CEP135: variants seen among roughly 807,000 people sequenced by gnomAD.
CEP135 encodes the protein centrosomal protein of 135 kDa.
CEP135 carries 142 observed loss-of-function variants against 157.3 expected under a neutral mutation model. The observed-to-expected ratio is 0.90, with a 90% CI of 0.79 to 1.04. The LOEUF is 1.04. CEP135 is among the 50% of genes least tolerant of loss of function. The pLI is 0.00. For synonymous variants in CEP135, 396 were observed against 439.8 expected, an observed-to-expected ratio of 0.90 and a Z score of 1.25; for missense variants, 1,317 against 1,309.2, an observed-to-expected ratio of 1.01 and a Z score of -0.09.
At chr4:56,014,146 A>G (rs1331224216) in intron 21 of CEP135, among the ~76,000 whole-genome samples, 2 of 152,194 alleles carry the variant, frequency 1.3e-5, no homozygotes, top group Non-Finnish European at 2.9e-5. Flanking sequence ...ATTGTGAGAG[A>G]ATAATTTCTA....
chr4:56,024,993 G>T (rs1050273104), intron 25 of CEP135, among the ~76,000 whole-genome samples: 1 of 151,964 alleles, frequency 6.6e-6, no homozygotes, highest in African/African-American at 2.4e-5. Context: ...ACAAAAATTA[G>T]CCAGGCATGG....
intron 19 of CEP135, among the ~76,000 whole-genome samples, chr4:56,010,163 A>G (rs1326864035): frequency 8.2e-6 from 1 of 121,848 alleles, no homozygotes; most frequent in African/African-American, 3.4e-5. Flanking sequence ...CAGCCTGGCC[A>G]ACATTGTGAA....
At chr4:55,990,960 C>T (rs1463108875) in intron 14 of CEP135, among the ~76,000 whole-genome samples, 2 of 151,940 alleles carry the variant, frequency 1.3e-5, no homozygotes. Context: ...GTGAAATCTT[C>T]ACTGTTCTAA....
chr4:55,990,815 C>T (rs1447736527), intron 14 of CEP135, among the ~76,000 whole-genome samples: 2 of 152,178 alleles, frequency 1.3e-5, no homozygotes, highest in South Asian at 2.1e-4. Flanking sequence ...GCCACCATAA[C>T]GCCCAGCCCC....
rs143294390 is a variant in CEP135, at chr4:56,012,275, C to T, written c.2802+290C>T. The stretch of plus-strand genomic sequence containing the variant: ...TTCACCGTGTTGGCCAGGCTGCTCT[C>T]GAACTCCTGACCTTGAGTGATCCAC... On this transcript the variant is annotated intron_variant, in intron 21 of 25. Coordinates refer to ENST00000257287, the MANE Select transcript of CEP135 (RefSeq NM_025009.5). 1.6e-3 allele frequency among the ~76,000 whole-genome samples: 240 copies of T among 152,214 alleles called. 4 individuals carry two copies. The highest frequency in any genetic ancestry group is 5.4e-3 in the African/African-American group (226 of 41,524).
At position 56,011,913 on chromosome 4, in the gene CEP135, A is replaced by G. The variant is rs1297259157; in HGVS notation, c.2730A>G (p.Glu910=). 3 of 1,604,438 alleles carry G rather than the reference A, an allele frequency of 1.9e-6. No individual in the cohort carries two copies. Among genetic ancestry groups the G allele is most frequent in the South Asian group, 1.1e-5 (1 of 89,692 alleles). ...GAGAAAGCAGCTCAGTTCGACTGGA[A>G]CTTCTTTCTATTGACACTGAGAGGA... The part of the protein sequence containing the change: ...AEGESSSVRL[E]LLSIDTERRH... Residue 910 remains glutamate (E), a synonymous_variant, in exon 21 of 26, where the codon GAA becomes GAG. Coordinates refer to ENST00000257287, the MANE Select transcript of CEP135 (RefSeq NM_025009.5).
chr4:56,011,688 A>G lies in CEP135; in HGVS notation c.2617-112A>G, dbSNP rs141027535. 6.5e-4 allele frequency: 664 copies of G among 1,015,012 alleles called. 1 individual carries two copies. The African/African-American group carries it at 0.01, about 16-fold the overall frequency. The allele number at this position is 1,015,012 out of a possible 1,614,324, so 62.9% of individuals were successfully genotyped here. On this transcript the variant is annotated intron_variant, in intron 20 of 25. Transcript: ENST00000257287. ...TAGTGTGGTACCTGCACAGATATCT[A>G]ATGCTTCCTAAATTAGAACAGAATG...
At chr4:55,975,580 T>C (rs1291146699) in intron 11 of CEP135, among the ~76,000 whole-genome samples, 1 of 152,234 alleles carries the variant, frequency 6.6e-6, no homozygotes, top group African/African-American at 2.4e-5. Flanking sequence ...TTGACCATGA[T>C]TCATGAGAGA....
At chr4:55,966,548 A>G (rs1334721843) in intron 8 of CEP135, 4 of 152,424 alleles carry the variant, frequency 2.6e-5, no homozygotes, top group East Asian at 1.9e-4. Context: ...TGGTGGGACA[A>G]TCATAGCTCA....
At chr4:55,968,871 A>G (rs535636210) in intron 8 of CEP135, among the ~76,000 whole-genome samples, 192 bp from the exon 9 acceptor site, 1 of 152,304 alleles carries the variant, frequency 6.6e-6, no homozygotes, top group South Asian at 2.1e-4. Context: ...GGCTCCTGTA[A>G]ACATTCGGGA....
intron 25 of CEP135, among the ~76,000 whole-genome samples, chr4:56,025,996 G>A (rs1731146847): frequency 6.6e-6 from 1 of 151,768 alleles, no homozygotes; most frequent in Non-Finnish European, 1.5e-5. Flanking sequence ...ATCACTTGAG[G>A]TCAGGAGTTC....
In CEP135 at chr4:56,011,914, C is replaced by T; in HGVS notation, c.2731C>T (p.Leu911Phe). ...AGAAAGCAGCTCAGTTCGACTGGAA[C>T]TTCTTTCTATTGACACTGAGAGGAG... Reference protein sequence around the residue: ...EGESSSVRLELLSIDTERRHL... With the variant: ...EGESSSVRLEFLSIDTERRHL... The change falls in exon 21 of 26, where the codon CTT becomes TTT. Residue 911 changes from leucine (L) to phenylalanine (F), a missense_variant. Leu to Phe is a conservative substitution (Grantham distance 22, BLOSUM62 0). Coordinates refer to ENST00000257287, the MANE Select transcript of CEP135 (RefSeq NM_025009.5). 1 of 1,604,000 alleles carries T rather than the reference C, an allele frequency of 6.2e-7. No homozygotes were observed. The highest frequency in any genetic ancestry group is 8.5e-7 in the Non-Finnish European group (1 of 1,175,172).
intron 19 of CEP135, 48 bp from the exon 20 acceptor site, chr4:56,011,364 T>C: frequency 8.3e-7 from 1 of 1,205,604 alleles, no homozygotes; most frequent in Non-Finnish European, 1.2e-6. Context: ...ATAAAATTTA[T>C]TTGGTGTTGT....
At chr4:56,006,800 T>C (rs1475896409) in intron 17 of CEP135, among the ~76,000 whole-genome samples, 1 of 152,200 alleles carries the variant, frequency 6.6e-6, no homozygotes, top group Non-Finnish European at 1.5e-5. Context: ...CATGGTCCCC[T>C]GTTTGCTGTT....
intron 24 of CEP135, among the ~76,000 whole-genome samples, chr4:56,023,998 T>A (rs1330982240): frequency 7.0e-6 from 1 of 142,358 alleles, no homozygotes; most frequent in African/African-American, 2.5e-5. Flanking sequence ...GTATGTTATA[T>A]ATTTATAATA....
At chr4:55,976,244 A>G (rs550071784) in intron 11 of CEP135, among the ~76,000 whole-genome samples, 2 of 151,802 alleles carry the variant, frequency 1.3e-5, no homozygotes, top group South Asian at 2.1e-4. Flanking sequence ...ACAAAAAAAA[A>G]AAAAAGAAAG....
At chr4:56,022,789 G>A (rs1560426752) in intron 24 of CEP135, among the ~76,000 whole-genome samples, 1 of 152,118 alleles carries the variant, frequency 6.6e-6, no homozygotes, top group African/African-American at 2.4e-5. Context: ...AAGAGGGCTA[G>A]ATATATGTGC....
chr4:56,028,526 C>A (rs1334373330), intron 25 of CEP135, among the ~76,000 whole-genome samples: 3 of 151,214 alleles, frequency 2.0e-5, no homozygotes, highest in African/African-American at 7.3e-5. Flanking sequence ...TTTACTAATC[C>A]ATTTCCCCTC....
intron 21 of CEP135, among the ~76,000 whole-genome samples, chr4:56,017,130 A>T (rs959630962): frequency 6.6e-6 from 1 of 152,022 alleles, no homozygotes; most frequent in Admixed American, 6.6e-5. Flanking sequence ...ATTATTTGAA[A>T]TTTTTTTCAT....
Sources: allele counts gnomAD v4.1 joint callset (sites outside exome capture counted in the v4.1 genomes callset), GRCh38; gene constraint gnomAD v4.1.1; transcripts MANE v1.5; gene names NCBI Gene and HGNC (gene_info 2026-07-23, HGNC 2026-07-21).